ZNF326: variants seen among roughly 807,000 people sequenced by gnomAD.
ZNF326 encodes the protein DBIRD complex subunit ZNF326.
A neutral mutation model predicts 63.1 loss-of-function variants in ZNF326; 30 were observed. That is an observed-to-expected ratio of 0.48 (90% CI 0.36 to 0.64). The LOEUF (loss-of-function observed/expected upper bound fraction) is 0.64, where lower values mean the gene tolerates loss of function less well. Among genes scored for constraint, ZNF326 ranks in the 30% least tolerant of loss-of-function variants. The probability of loss-of-function intolerance (pLI) is 0.00; values close to 1 mark genes in which losing one functional copy is unlikely to be tolerated. For synonymous variants in ZNF326, 194 were observed against 228.2 expected, an observed-to-expected ratio of 0.85 and a Z score of 1.35; for missense variants, 609 against 720.3, an observed-to-expected ratio of 0.85 and a Z score of 1.77.
rs768258746 is a variant in ZNF326 at position 90,027,427 on chromosome 1, A to T, written c.1475A>T (p.Lys492Met). 3.1e-6 allele frequency: 5 copies of T among 1,614,084 alleles called. No homozygotes were observed. The highest frequency in any genetic ancestry group is 3.4e-6 in the Non-Finnish European group (4 of 1,179,984). ...QIEGDEEDEE[K>M]IDEPIEEEED... The stretch of plus-strand genomic sequence containing the variant: ...GAAGGAGATGAGGAGGATGAAGAGA[A>T]GATTGATGAACCTATTGAAGAAGAG... Residue 492 changes from lysine (K) to methionine (M), a missense_variant, in exon 12 of 12, where the codon AAG (lysine) becomes ATG (methionine). Physicochemically the swap from Lys to Met is moderately conservative, Grantham distance 95 (BLOSUM62 -1). Around this residue, in one of 3 missense-constraint regions of ZNF326, gnomAD observed 399 missense variants for 444.3 expected, o/e 0.90. Transcript: ENST00000340281.
rs1649175024 is a variant in ZNF326, at chr1:90,010,304, AT to A, written c.814+20del. The A allele has an allele frequency of 1.2e-6, 2 of 1,607,816 alleles. No homozygotes were observed. Among genetic ancestry groups the A allele is most frequent in the Non-Finnish European group, 1.7e-6 (2 of 1,176,918 alleles). On this transcript the variant is annotated intron_variant, in intron 6 of 11. Coordinates refer to ENST00000340281, the MANE Select transcript of ZNF326 (RefSeq NM_182976.4). ...ATCACCCAGTAAGTAAGAAAACATA[AT>A]TGCTATGATTCAGGATACTTTTTAT...
intron 2 of ZNF326, among the ~76,000 whole-genome samples, 197 bp downstream of exon 2, chr1:89,998,351 ATT>A (rs199584280): frequency 6.7e-6 from 1 of 149,104 alleles, no homozygotes; most frequent in Non-Finnish European, 1.5e-5. Context: ...CATTAGTTTG[ATT>A]TTTTTTTTGG....
Position 89,995,132 on chromosome 1 carries a change from C to A in ZNF326, c.-126C>A. 1 of 1,228,316 alleles carries A rather than the reference C, an allele frequency of 8.1e-7. No homozygotes were observed. The highest frequency in any genetic ancestry group is 1.1e-6 in the Non-Finnish European group (1 of 892,314). The allele number at this position is 1,228,316 out of a possible 1,614,324, so 76.1% of individuals were successfully genotyped here. A position where few individuals can be genotyped will look rare whatever the true frequency, so the allele number is the denominator to read the frequency against. The stretch of plus-strand genomic sequence containing the variant: ...CCCAGCCTCGCTGTGGCCTGCGGCT[C>A]CCGGGCTGGTAGCGCGCCGCTCTCG... On this transcript the variant is annotated 5_prime_UTR_variant, in exon 1 of 12. Coordinates refer to ENST00000340281, the MANE Select transcript of ZNF326 (RefSeq NM_182976.4).
At chr1:90,013,616 G>T (rs1172717100) in intron 7 of ZNF326, among the ~76,000 whole-genome samples, 6 of 152,192 alleles carry the variant, frequency 3.9e-5, no homozygotes, top group Non-Finnish European at 7.3e-5. Context: ...AAGAGTAAAT[G>T]AGTAGGTACT....
In ZNF326 at chr1:90,031,089, G is replaced by A. The variant is rs186426153; in HGVS notation, c.*3388G>A. 67 of 152,294 alleles carry A rather than the reference G, an allele frequency of 4.4e-4. No individual in the cohort carries two copies. The highest frequency in any genetic ancestry group is 1.5e-3 in the African/African-American group (64 of 41,556). The allele number at this position is 152,294 out of a possible 1,614,324, so 9.4% of individuals were successfully genotyped here. On this transcript the variant is annotated 3_prime_UTR_variant, in exon 12 of 12. Coordinates refer to ENST00000340281, the MANE Select transcript of ZNF326 (RefSeq NM_182976.4). ...TGCCTGTAACTCTTCCCCTATCAAG[G>A]CAGGAGTTTCCGCCCTTTTGAATAT...
intron 7 of ZNF326, among the ~76,000 whole-genome samples, chr1:90,015,757 G>A (rs1329174085): frequency 2.0e-5 from 3 of 152,152 alleles, no homozygotes; most frequent in Admixed American, 2.0e-4. Context: ...ATTGATCTGG[G>A]AATGGTAGGG....
intron 7 of ZNF326, among the ~76,000 whole-genome samples, chr1:90,013,511 G>A (rs1245385228): frequency 6.6e-6 from 1 of 152,186 alleles, no homozygotes; most frequent in Non-Finnish European, 1.5e-5. Context: ...ATTGAGATTT[G>A]ACTGTATGGA....
At position 90,010,209 on chromosome 1, in the gene ZNF326, A is replaced by G; in HGVS notation, c.737A>G (p.Asn246Ser). Residue 246 changes from asparagine to serine, a missense_variant, in exon 6 of 12, where the codon AAT (asparagine) becomes AGT (serine). By Grantham distance (46) the Asn-to-Ser change is conservative. Coordinates refer to ENST00000340281, the MANE Select transcript of ZNF326 (RefSeq NM_182976.4). ...GIKRKMMQPF[N>S]KPSGTFIKKP... ...AAGAGAAAAATGATGCAGCCATTTA[A>G]TAAGCCCAGTGGAACCTTTATCAAG... The G allele has an allele frequency of 6.2e-7, 1 of 1,613,956 alleles. No homozygotes were observed. The highest frequency in any genetic ancestry group is 1.1e-5 in the South Asian group (1 of 91,076).
At chr1:90,000,122 A>G (rs1648598696) in intron 2 of ZNF326, among the ~76,000 whole-genome samples, 1 of 152,210 alleles carries the variant, frequency 6.6e-6, no homozygotes, top group African/African-American at 2.4e-5. Flanking sequence ...AAAAGATGAC[A>G]TTTGAGCATA....
chr1:90,017,210 A>G, intron 7 of ZNF326, 107 bp from the exon 8 acceptor site: 1 of 812,850 alleles, frequency 1.2e-6, no homozygotes, highest in Non-Finnish European at 1.8e-6. Context: ...AAGAGGAAGA[A>G]AGGAAATCAT....
In ZNF326 at chr1:90,033,063, A is replaced by G. The variant is rs988429363; in HGVS notation, c.*5362A>G. The G allele has an allele frequency of 6.6e-6, 1 of 152,110 alleles. No homozygotes were observed. Among genetic ancestry groups the G allele is most frequent in the Admixed American group, 6.6e-5 (1 of 15,262 alleles). 9.4% of individuals were successfully genotyped at this position (152,110 alleles called of 1,614,324 possible). A position where few individuals can be genotyped will look rare whatever the true frequency, so the allele number is the denominator to read the frequency against. On this transcript the variant is annotated 3_prime_UTR_variant, in exon 12 of 12. Coordinates refer to ENST00000340281, the MANE Select transcript of ZNF326 (RefSeq NM_182976.4). Reference sequence around the variant, plus strand: ...AAATGCTAGGTTTCCTGTAATCGCAATCTTCAGGGAATTTTTCACTCAAGC... The same window carrying G: ...AAATGCTAGGTTTCCTGTAATCGCAGTCTTCAGGGAATTTTTCACTCAAGC...
intron 1 of ZNF326, 79 bp from the exon 2 acceptor site, chr1:89,998,027 CTTGT>C: frequency 1.6e-6 from 2 of 1,277,900 alleles, no homozygotes; most frequent in South Asian, 1.3e-5. Flanking sequence ...AAAAATTGTG[CTTGT>C]TTTTTACTGG....
At chr1:89,995,407 C>A in intron 1 of ZNF326, 134 bp downstream of exon 1, 1 of 1,234,090 alleles carries the variant, frequency 8.1e-7, no homozygotes, top group Non-Finnish European at 1.1e-6. Flanking sequence ...CCGCCCCGGG[C>A]CCAGCGCCCG....
Position 90,007,132 on chromosome 1 carries a change from A to G in ZNF326, c.210-213A>G, listed in dbSNP as rs888487628. On this transcript the variant is annotated intron_variant, in intron 4 of 11. Coordinates refer to ENST00000340281, the MANE Select transcript of ZNF326 (RefSeq NM_182976.4). This position sits in a 1 kb window ranked among gnomAD's most constrained non-coding sequence, Gnocchi z 4.9. ...TTAAAGCTAAGTTTTACTAAACTCA[A>G]TTCATATTTATAATCTGACTCAGAT... 1.3e-5 allele frequency among the ~76,000 whole-genome samples: 2 copies of G among 152,210 alleles called. No individual in the cohort carries two copies. The highest frequency in any genetic ancestry group is 2.9e-5 in the Non-Finnish European group (2 of 68,034).
intron 9 of ZNF326, among the ~76,000 whole-genome samples, chr1:90,019,446 C>G (rs888978963): frequency 2.6e-5 from 4 of 152,126 alleles, no homozygotes; most frequent in African/African-American, 9.6e-5. Flanking sequence ...TCTTTGGAAT[C>G]ATTATCTTCC....
chr1:90,005,678 T>C (rs1648953925), intron 4 of ZNF326: 2 of 985,070 alleles, frequency 2.0e-6, no homozygotes, highest in South Asian at 9.4e-5. Flanking sequence ...TGGATTTTAC[T>C]GAACCAGTCT....
At chr1:90,018,417 C>G (rs1649603134) in intron 8 of ZNF326, among the ~76,000 whole-genome samples, 2 of 152,086 alleles carry the variant, frequency 1.3e-5, no homozygotes, top group Non-Finnish European at 2.9e-5. Context: ...AACTTAAATA[C>G]CCACCTACTC....
intron 10 of ZNF326, 27 bp from the exon 11 acceptor site, chr1:90,022,223 A>G: frequency 6.7e-7 from 1 of 1,493,628 alleles, no homozygotes. Flanking sequence ...GTTTTCAAGA[A>G]CCCTCAGTGT....
chr1:90,014,201 A>T (rs1200060798), intron 7 of ZNF326, among the ~76,000 whole-genome samples: 1 of 152,126 alleles, frequency 6.6e-6, no homozygotes, highest in African/African-American at 2.4e-5. Context: ...CTGCAAGGAG[A>T]TTTTTTTCCC....
Sources: gnomAD v4.1 joint callset for allele counts (sites outside exome capture counted in the v4.1 genomes callset) on GRCh38, gnomAD v4.1.1 for gene constraint, gnomAD v4.1.1 regional missense constraint, Gnocchi (gnomAD v3.1) non-coding constraint, MANE v1.5 for transcripts, NCBI Gene and HGNC (gene_info 2026-07-23, HGNC 2026-07-21) for gene names.